RALY: variants seen among roughly 807,000 people sequenced by gnomAD.
The protein encoded by RALY is RNA-binding protein Raly.
A neutral mutation model predicts 30.7 loss-of-function variants in RALY; 15 were observed. The ratio of observed to expected loss-of-function variants is 0.49; its 90% confidence interval spans 0.33 to 0.75. The LOEUF (loss-of-function observed/expected upper bound fraction) is 0.75. Among genes scored for constraint, RALY ranks in the 30% least tolerant of loss-of-function variants. RALY has a pLI of 0.02. For synonymous variants in RALY, 177 were observed against 170.8 expected (o/e 1.04, Z -0.28); for missense variants, 339 against 414.3 (o/e 0.82, Z 1.58).
intron 1 of RALY, among the ~76,000 whole-genome samples, chr20:33,997,415 TATTACACCCTTAAAATAGAACCGAG>T (rs2030691953): frequency 6.6e-6 from 1 of 152,110 alleles, no homozygotes; most frequent in Non-Finnish European, 1.5e-5. Context: ...CACGCCAGGC[TATTACACCCTTAAAATAGAACCGAG>T]ATAACTCCCC....
chr20:34,076,887 G>A, intron 7 of RALY, 72 bp downstream of exon 7: 1 of 1,589,932 alleles, frequency 6.3e-7, no homozygotes, highest in Non-Finnish European at 8.6e-7. Flanking sequence ...ATAGTACATG[G>A]GAGAGAGGAG....
At chr20:34,034,517 A>C (rs1373411085) in intron 2 of RALY, among the ~76,000 whole-genome samples, 1 of 152,088 alleles carries the variant, frequency 6.6e-6, no homozygotes, top group Non-Finnish European at 1.5e-5. Context: ...TCCACTATTA[A>C]CTTTTAAAAT....
chr20:34,004,738 T>C (rs948117353), intron 1 of RALY, among the ~76,000 whole-genome samples: 1 of 152,262 alleles, frequency 6.6e-6, no homozygotes, highest in African/African-American at 2.4e-5. Context: ...CAGTCATACC[T>C]GAAGTATATC....
intron 1 of RALY, among the ~76,000 whole-genome samples, chr20:34,020,126 AAC>A (rs2031764329): frequency 6.6e-6 from 1 of 152,226 alleles, no homozygotes; most frequent in Admixed American, 6.5e-5. Flanking sequence ...AGACATATGA[AAC>A]ACAGTTCCTG....
chr20:33,995,771 G>A (rs1413715293), intron 1 of RALY, among the ~76,000 whole-genome samples: 2 of 152,200 alleles, frequency 1.3e-5, no homozygotes, highest in African/African-American at 2.4e-5. Flanking sequence ...GAAAGGGGAA[G>A]TAAGTTGTCT....
intron 2 of RALY, among the ~76,000 whole-genome samples, chr20:34,056,316 T>G (rs937182288): frequency 2.2e-4 from 34 of 152,356 alleles, no homozygotes; most frequent in African/African-American, 7.0e-4. Context: ...AGGACAAGAT[T>G]GGAACTTACT....
At chr20:34,042,183 C>T (rs772014431) in intron 2 of RALY, among the ~76,000 whole-genome samples, 2 of 152,146 alleles carry the variant, frequency 1.3e-5, no homozygotes, top group Non-Finnish European at 2.9e-5. Context: ...AGCAAGAGGC[C>T]TAGTAGCTCA....
chr20:34,042,028 G>A (rs1028518434), intron 2 of RALY, among the ~76,000 whole-genome samples: 15 of 152,062 alleles, frequency 9.9e-5, no homozygotes, highest in Admixed American at 7.2e-4. Context: ...TTGCTTGAGC[G>A]CGGGATTGCC....
At chr20:34,037,713 CA>C (rs1341121627) in intron 2 of RALY, among the ~76,000 whole-genome samples, 1 of 152,132 alleles carries the variant, frequency 6.6e-6, no homozygotes, top group Non-Finnish European at 1.5e-5. Flanking sequence ...TACAAATGTA[CA>C]AGACTATTAA....
At chr20:34,062,795 A>G (rs1446965473) in intron 2 of RALY, among the ~76,000 whole-genome samples, 1 of 152,252 alleles carries the variant, frequency 6.6e-6, no homozygotes, top group African/African-American at 2.4e-5. Flanking sequence ...GCTATAATCA[A>G]CCAACAGCAA....
chr20:34,076,909 C>T, intron 7 of RALY, 94 bp downstream of exon 7: 1 of 1,588,608 alleles, frequency 6.3e-7, no homozygotes, highest in Non-Finnish European at 8.6e-7. Context: ...TAGGGTGGCC[C>T]TGCAGATCCT....
At chr20:34,018,846 G>GT (rs952349366) in intron 1 of RALY, among the ~76,000 whole-genome samples, 3 of 152,158 alleles carry the variant, frequency 2.0e-5, no homozygotes, top group Non-Finnish European at 2.9e-5. Context: ...ATACCTTTGA[G>GT]TTTTTTCTTC....
At chr20:34,064,405 T>G (rs149404497) in intron 2 of RALY, among the ~76,000 whole-genome samples, 23 of 152,266 alleles carry the variant, frequency 1.5e-4, no homozygotes, top group Middle Eastern at 3.4e-3. Flanking sequence ...CAGGGCCCAT[T>G]AGATATGGAT....
rs2034063197 is a variant in RALY at position 34,083,671 on chromosome 20, C to CATAA, written c.*3766_*3767insATAA. 6.6e-6 allele frequency: 1 copy of CATAA among 152,224 alleles called. No homozygotes were observed. The highest frequency in any genetic ancestry group is 6.5e-5 in the Admixed American group (1 of 15,280). 9.4% of individuals were successfully genotyped at this position (152,224 alleles called of 1,614,324 possible). ...CTGACATGATAGTTTGGCAGTTTCT[C>CATAA]TTATGAGCATGGAATTCAAGTGTGG... On this transcript the variant is annotated 3_prime_UTR_variant, in exon 10 of 10. Transcript: ENST00000246194.
chr20:34,064,914 C>T (rs1231682467), intron 2 of RALY: 1 of 152,180 alleles, frequency 6.6e-6, no homozygotes, highest in African/African-American at 2.4e-5. Context: ...AAGGATATGG[C>T]CACAGTTACA....
intron 1 of RALY, among the ~76,000 whole-genome samples, chr20:34,031,211 A>ATTTTTTTT (rs11297874): frequency 3.6e-4 from 40 of 110,840 alleles, no homozygotes; most frequent in Non-Finnish European, 4.2e-4. Flanking sequence ...TGCCTGGCTA[A>ATTTTTTTT]TTTTTTTTTT....
At chr20:34,010,874 ATC>A (rs1311179937) in intron 1 of RALY, among the ~76,000 whole-genome samples, 2 of 152,156 alleles carry the variant, frequency 1.3e-5, no homozygotes, top group East Asian at 1.9e-4. Flanking sequence ...TCAGCTTAGT[ATC>A]TCTCTGTGCC....
intron 1 of RALY, among the ~76,000 whole-genome samples, chr20:34,011,429 A>G (rs535406738): frequency 5.9e-5 from 9 of 152,302 alleles, no homozygotes; most frequent in Non-Finnish European, 1.2e-4. Context: ...TACATATCAG[A>G]CAAAAACATA....
At chr20:34,052,260 T>C (rs2033102964) in intron 2 of RALY, among the ~76,000 whole-genome samples, 1 of 152,234 alleles carries the variant, frequency 6.6e-6, no homozygotes, top group African/African-American at 2.4e-5. Context: ...AAATTTCCTC[T>C]TCTTATTTAA....
Sources: allele counts gnomAD v4.1 joint callset (sites outside exome capture counted in the v4.1 genomes callset), GRCh38; gene constraint gnomAD v4.1.1; transcripts MANE v1.5; gene names NCBI Gene and HGNC (gene_info 2026-07-23, HGNC 2026-07-21).